The following RIMKLB variants were observed in gnomAD, a reference collection of about 807,000 sequenced individuals.
The protein encoded by RIMKLB is ribosomal modification protein rimK like family member B, also known as beta-citrylglutamate synthase B.
Under a neutral mutation model 32.0 loss-of-function variants are expected in RIMKLB, and 7 were observed. The observed-to-expected ratio is 0.22, with a 90% confidence interval of 0.12 to 0.41. The LOEUF is 0.41. Ranked by LOEUF, RIMKLB falls within the 10% of genes least tolerant of loss-of-function variation. The pLI, the probability that RIMKLB is intolerant of heterozygous loss-of-function variation, is 1.00. For missense variants in RIMKLB, 289 were observed against 498.7 expected (o/e 0.58, Z 4.00); for synonymous variants, 172 against 185.1 (o/e 0.93, Z 0.57).
the RIMKLB span, chr12:8,668,651 C>T: frequency 6.6e-6 from 1 of 152,346 alleles, no homozygotes; most frequent in African/African-American, 2.4e-5. Flanking sequence ...CTGTGAGCTG[C>T]TTTATTAAGA....
At chr12:8,692,836 T>C (rs554751220), upstream of RIMKLB, among the ~76,000 whole-genome samples, 2 of 152,088 alleles carry the variant, frequency 1.3e-5, no homozygotes, top group Non-Finnish European at 2.9e-5. Context: ...GAGGAAACAG[T>C]GGGGAGAGCT....
At chr12:8,773,183 A>G in intron 5 of RIMKLB, 138 bp from the exon 6 acceptor site, 1 of 630,236 alleles carries the variant, frequency 1.6e-6, no homozygotes, top group Non-Finnish European at 2.8e-6. Flanking sequence ...CTAGACTTAG[A>G]AGTCCTAATT....
intron 2 of RIMKLB, among the ~76,000 whole-genome samples, chr12:8,725,794 T>C (rs1306992272): frequency 6.6e-6 from 1 of 152,244 alleles, no homozygotes; most frequent in Non-Finnish European, 1.5e-5. Flanking sequence ...GGTAAGAGTA[T>C]GTTTACTTTT....
In RIMKLB at chr12:8,732,756, T is replaced by TATACAC. The variant is rs1213499853; in HGVS notation, c.176-17105_176-17104insTACACA. Among the ~76,000 whole-genome samples the TATACAC allele has an allele frequency of 1.8e-3, 276 of 150,140 alleles. 1 individual carries two copies. The highest frequency in any genetic ancestry group is 6.2e-3 in the African/African-American group (251 of 40,314). ...CATGCAACAGAAAATTATATATATA[T>TATACAC]ACACACACACACACACACACACACA... On this transcript the variant is annotated intron_variant, in intron 2 of 5. Coordinates refer to ENST00000535829, the MANE Select transcript of RIMKLB (RefSeq NM_001297776.2).
chr12:8,698,952 ACC>A (rs112143852), intron 1 of RIMKLB, among the ~76,000 whole-genome samples: 4 of 148,286 alleles, frequency 2.7e-5, no homozygotes, highest in Non-Finnish European at 6.0e-5. Flanking sequence ...CTTGCCCCTC[ACC>A]CCCCCCCAAA....
chr12:8,727,883 G>A (rs1285061914), intron 2 of RIMKLB, among the ~76,000 whole-genome samples: 8 of 147,090 alleles, frequency 5.4e-5, no homozygotes, highest in African/African-American at 1.5e-4. Context: ...TCTGGGCAAC[G>A]GAGTGAGACA....
intron 2 of RIMKLB, among the ~76,000 whole-genome samples, chr12:8,745,839 C>T (rs958127147): frequency 6.6e-6 from 1 of 151,074 alleles, no homozygotes; most frequent in South Asian, 2.1e-4. Flanking sequence ...GGATTACAGG[C>T]GCCTGCCACC....
At chr12:8,725,421 G>GT in intron 2 of RIMKLB, among the ~76,000 whole-genome samples, 1 of 152,228 alleles carries the variant, frequency 6.6e-6, no homozygotes, top group South Asian at 2.1e-4. Flanking sequence ...GGGATTACAG[G>GT]TGCACGCCAG....
intron 4 of RIMKLB, among the ~76,000 whole-genome samples, chr12:8,753,120 G>A (rs751445509): frequency 6.6e-6 from 1 of 152,282 alleles, no homozygotes; most frequent in Non-Finnish European, 1.5e-5. Flanking sequence ...CGGCAGGGAT[G>A]GCTGGATCAG....
chr12:8,696,234 C>T (rs919754997), upstream of RIMKLB, among the ~76,000 whole-genome samples: 3 of 152,184 alleles, frequency 2.0e-5, no homozygotes, highest in Admixed American at 6.5e-5. Context: ...TCTCTGTGCT[C>T]AAGCTTCCCT....
At chr12:8,687,266 T>C (rs1483632285) in intron 1 of RIMKLB, among the ~76,000 whole-genome samples, 2 of 152,250 alleles carry the variant, frequency 1.3e-5, no homozygotes, top group East Asian at 1.9e-4. Flanking sequence ...CTAAGCATCA[T>C]GAGTACTTTC....
At chr12:8,723,510 C>CT (rs1565578487) in intron 2 of RIMKLB, among the ~76,000 whole-genome samples, 1 of 152,202 alleles carries the variant, frequency 6.6e-6, no homozygotes, top group African/African-American at 2.4e-5. Context: ...AAAAATGACA[C>CT]TGATTGACTT....
At chr12:8,763,918 C>G (rs953252629) in intron 5 of RIMKLB, among the ~76,000 whole-genome samples, 11 of 152,146 alleles carry the variant, frequency 7.2e-5, no homozygotes, top group Admixed American at 2.0e-4. Flanking sequence ...ACAGGATGTA[C>G]AGGGATGCAG....
the RIMKLB span, among the ~76,000 whole-genome samples, chr12:8,675,014 C>A: frequency 6.6e-6 from 1 of 151,774 alleles, no homozygotes; most frequent in Non-Finnish European, 1.5e-5. Flanking sequence ...CAGGTGCCTG[C>A]CACCACACCC....
intron 1 of RIMKLB, among the ~76,000 whole-genome samples, chr12:8,685,427 G>A (rs12306245): frequency 1.3e-5 from 2 of 152,046 alleles, no homozygotes; most frequent in South Asian, 4.1e-4. Flanking sequence ...TCACATGCTC[G>A]TTCAGCATCT....
At chr12:8,701,617 C>T (rs1157131290) in intron 1 of RIMKLB, among the ~76,000 whole-genome samples, 2 of 147,906 alleles carry the variant, frequency 1.4e-5, no homozygotes, top group East Asian at 1.9e-4. Flanking sequence ...GTTATATGAC[C>T]GTTATGGGAA....
intron 2 of RIMKLB, among the ~76,000 whole-genome samples, chr12:8,737,103 G>A (rs758932207): frequency 6.2e-4 from 94 of 152,270 alleles, no homozygotes; most frequent in Middle Eastern, 3.4e-3. Context: ...GTGAGCCATC[G>A]TGCCCAGCCT....
upstream of RIMKLB, among the ~76,000 whole-genome samples, chr12:8,696,492 G>C (rs989441768): frequency 1.3e-5 from 2 of 152,210 alleles, no homozygotes; most frequent in African/African-American, 2.4e-5. Context: ...AACAGCACTT[G>C]ATCTGTGTCA....
At chr12:8,715,866 A>G (rs1321055232) in intron 2 of RIMKLB, among the ~76,000 whole-genome samples, 1 of 152,232 alleles carries the variant, frequency 6.6e-6, no homozygotes. Context: ...CACATTTGTG[A>G]CGAAGATCCT....
Sources: gnomAD v4.1 joint callset for allele counts (sites outside exome capture counted in the v4.1 genomes callset) on GRCh38, gnomAD v4.1.1 for gene constraint, MANE v1.5 for transcripts, NCBI Gene and HGNC (gene_info 2026-07-23, HGNC 2026-07-21) for gene names.